TNR: variants seen among roughly 807,000 people sequenced by gnomAD.
The protein encoded by TNR is tenascin-R.
In TNR, 45 loss-of-function variants were observed where a neutral mutation model predicts 150.4. The ratio of observed to expected loss-of-function variants is 0.30; its 90% CI spans 0.24 to 0.38. The LOEUF (loss-of-function observed/expected upper bound fraction) is 0.38, where lower values mean the gene tolerates loss of function less well. TNR is among the 10% of genes least tolerant of loss of function. The probability of loss-of-function intolerance (pLI) is 1.00; values close to 1 mark genes in which losing one functional copy is unlikely to be tolerated. For missense variants in TNR, 1,544 were observed against 1,759.1 expected (o/e 0.88, Z 2.19); for synonymous variants, 687 against 678.4 (o/e 1.01, Z -0.20).
At chr1:175,391,513 G>A in intron 6 of TNR, 75 bp from the exon 7 acceptor site, 3 of 1,487,648 alleles carry the variant, frequency 2.0e-6, no homozygotes, top group East Asian at 2.3e-5. Flanking sequence ...AAAGATAAAG[G>A]TGTGGAATAC....
intron 2 of TNR, among the ~76,000 whole-genome samples, chr1:175,523,411 C>G (rs1041445847): frequency 6.6e-6 from 1 of 152,144 alleles, no homozygotes; most frequent in Non-Finnish European, 1.5e-5. Context: ...ACTAAATAAC[C>G]TTTTCTTCGG....
At chr1:175,697,501 A>G (rs1310366604) in intron 1 of TNR, among the ~76,000 whole-genome samples, 1 of 152,134 alleles carries the variant, frequency 6.6e-6, no homozygotes, top group Non-Finnish European at 1.5e-5. Context: ...TCCTGTGGCT[A>G]CAGGCAGAGG....
intron 1 of TNR, among the ~76,000 whole-genome samples, chr1:175,644,739 T>C (rs1664760185): frequency 6.6e-6 from 1 of 152,254 alleles, no homozygotes; most frequent in African/African-American, 2.4e-5. Context: ...GTTTGCTAAA[T>C]ACAGGAAATC....
At chr1:175,618,240 A>G (rs1663844039) in intron 1 of TNR, among the ~76,000 whole-genome samples, 1 of 152,230 alleles carries the variant, frequency 6.6e-6, no homozygotes, top group African/African-American at 2.4e-5. Flanking sequence ...TTGCAATTAG[A>G]CTGAAGTTAG....
intron 1 of TNR, among the ~76,000 whole-genome samples, chr1:175,640,828 T>G (rs1664633789): frequency 6.6e-6 from 1 of 151,696 alleles, no homozygotes; most frequent in Non-Finnish European, 1.5e-5. Context: ...AGCCTTAAAA[T>G]AACTATAAAT....
At chr1:175,719,001 C>T (rs575889913) in intron 1 of TNR, among the ~76,000 whole-genome samples, 43 of 152,284 alleles carry the variant, frequency 2.8e-4, no homozygotes, top group African/African-American at 9.1e-4. Flanking sequence ...CAAGAAGGTC[C>T]CTTGAAGCTG....
chr1:175,640,367 C>T (rs781781426), intron 1 of TNR, among the ~76,000 whole-genome samples: 1 of 152,142 alleles, frequency 6.6e-6, no homozygotes, highest in Non-Finnish European at 1.5e-5. Flanking sequence ...AGTATTTGGA[C>T]GTCTGTCTGG....
chr1:175,625,318 A>C (rs1392804788), intron 1 of TNR, among the ~76,000 whole-genome samples: 1 of 152,242 alleles, frequency 6.6e-6, no homozygotes, highest in African/African-American at 2.4e-5. Flanking sequence ...ATGAACGCAA[A>C]GACTGTAGCA....
chr1:175,585,279 G>T (rs190998589), intron 1 of TNR, among the ~76,000 whole-genome samples: 1 of 152,306 alleles, frequency 6.6e-6, no homozygotes, highest in Admixed American at 6.5e-5. Context: ...ACCAGGATTT[G>T]AATGCAACTA....
chr1:175,361,387 G>C (rs1651580123), intron 14 of TNR, among the ~76,000 whole-genome samples: 1 of 152,132 alleles, frequency 6.6e-6, no homozygotes, highest in Non-Finnish European at 1.5e-5. Flanking sequence ...TGGTGTATTG[G>C]ACCTCACTTC....
intron 1 of TNR, among the ~76,000 whole-genome samples, chr1:175,575,117 G>A (rs1309792673): frequency 6.6e-6 from 1 of 152,178 alleles, no homozygotes; most frequent in African/African-American, 2.4e-5. Flanking sequence ...TGTGAGTGGA[G>A]GTACACCATG....
chr1:175,591,034 C>T (rs1423460992), intron 1 of TNR, among the ~76,000 whole-genome samples: 1 of 152,226 alleles, frequency 6.6e-6, no homozygotes. Flanking sequence ...ACAGTCAGAT[C>T]TCTGAACTGG....
intron 9 of TNR, among the ~76,000 whole-genome samples, chr1:175,373,794 C>T (rs1045700076): frequency 1.3e-5 from 2 of 152,150 alleles, no homozygotes; most frequent in Non-Finnish European, 2.9e-5. Context: ...TTTCCCCCAG[C>T]CCCCTTATCC....
chr1:175,475,058 C>A (rs1269732947), intron 2 of TNR, among the ~76,000 whole-genome samples: 1 of 152,188 alleles, frequency 6.6e-6, no homozygotes, highest in Non-Finnish European at 1.5e-5. Context: ...ATAGCAACAG[C>A]TGCTCATATA....
chr1:175,430,546 C>G (rs1045270075), intron 2 of TNR, among the ~76,000 whole-genome samples: 1 of 152,152 alleles, frequency 6.6e-6, no homozygotes, highest in Non-Finnish European at 1.5e-5. Flanking sequence ...GACATGGAAT[C>G]AGAAAGCAGA....
intron 1 of TNR, among the ~76,000 whole-genome samples, chr1:175,602,849 G>A (rs979613375): frequency 5.3e-5 from 8 of 152,146 alleles, no homozygotes; most frequent in Admixed American, 4.6e-4. Flanking sequence ...CCAACAAACA[G>A]CTCATTTCCA....
At chr1:175,698,686 C>T (rs1010422016) in intron 1 of TNR, among the ~76,000 whole-genome samples, 4 of 151,906 alleles carry the variant, frequency 2.6e-5, no homozygotes, top group Non-Finnish European at 4.4e-5. Flanking sequence ...ACTAAAAGTA[C>T]AAAAATTAGC....
intron 1 of TNR, among the ~76,000 whole-genome samples, chr1:175,573,831 C>T (rs1181271925): frequency 1.3e-5 from 2 of 152,162 alleles, no homozygotes; most frequent in Non-Finnish European, 2.9e-5. Context: ...GCTGTGGAGG[C>T]AGCAATGCTA....
chr1:175,739,538 CAA>C (rs1188794553), intron 1 of TNR, among the ~76,000 whole-genome samples: 3 of 152,002 alleles, frequency 2.0e-5, no homozygotes, highest in African/African-American at 7.2e-5. Context: ...ACACATTCAC[CAA>C]AGTTACCAAA....
Sources: gnomAD v4.1 joint callset for allele counts (sites outside exome capture counted in the v4.1 genomes callset) on GRCh38, gnomAD v4.1.1 for gene constraint, MANE v1.5 for transcripts, NCBI Gene and HGNC (gene_info 2026-07-23, HGNC 2026-07-21) for gene names.